CADM2: variants seen among roughly 807,000 people sequenced by gnomAD.
The protein encoded by CADM2 is cell adhesion molecule 2, also known as immunoglobulin superfamily member 4D.
CADM2 carries 12 observed loss-of-function variants against 49.8 expected under a neutral mutation model. The ratio of observed to expected loss-of-function variants is 0.24; its 90% confidence interval spans 0.15 to 0.39. CADM2 has a LOEUF of 0.39. Among genes scored for constraint, CADM2 ranks in the 10% least tolerant of loss-of-function variants. The pLI is 1.00. For missense variants in CADM2, 378 were observed against 492.3 expected (o/e 0.77, Z 2.20); for synonymous variants, 214 against 175.4 (o/e 1.22, Z -1.74).
intron 1 of CADM2, among the ~76,000 whole-genome samples, chr3:85,504,647 C>CT (rs1369310282): frequency 5.3e-5 from 8 of 152,230 alleles, no homozygotes; most frequent in Non-Finnish European, 1.5e-5. Context: ...GCAGGTGGAG[C>CT]TGCCTGCCAG....
chr3:85,994,371 G>A lies in CADM2; in HGVS notation c.970+32724G>A, dbSNP rs183758063. 8.3e-4 allele frequency: 127 copies of A among 152,248 alleles called. 1 individual carries two copies. The highest frequency in any genetic ancestry group is 2.9e-3 in the African/African-American group (121 of 41,542). The allele number at this position is 152,248 out of a possible 1,614,324, so 9.4% of individuals were successfully genotyped here. ...AGGGCCTTGGTCTGGATTAGGCTTTGGTTTAAGAGAATGCTGTGGCAGATT... is the reference window on the plus strand; with the variant it reads ...AGGGCCTTGGTCTGGATTAGGCTTTAGTTTAAGAGAATGCTGTGGCAGATT... On this transcript the variant is annotated intron_variant, in intron 8 of 9. Coordinates refer to ENST00000383699, the MANE Select transcript of CADM2 (RefSeq NM_001167675.2).
intron 8 of CADM2, among the ~76,000 whole-genome samples, chr3:86,064,777 T>C (rs970768674): frequency 6.6e-6 from 1 of 152,232 alleles, no homozygotes; most frequent in Non-Finnish European, 1.5e-5. Context: ...TGGCCATCCT[T>C]TTCTGGGCTG....
chr3:85,728,349 G>C (rs7651725), intron 2 of CADM2, among the ~76,000 whole-genome samples: 108,039 of 152,034 alleles, frequency 0.71, 38,647 homozygotes, highest in African/African-American at 0.77. Flanking sequence ...ATAGCTTTCC[G>C]CATGCTTATA....
intron 1 of CADM2, among the ~76,000 whole-genome samples, chr3:85,429,750 A>G (rs913390851): frequency 6.6e-6 from 1 of 152,182 alleles, no homozygotes; most frequent in Admixed American, 6.6e-5. Context: ...ATAATCTAGG[A>G]CAAATATTAG....
intron 1 of CADM2, among the ~76,000 whole-genome samples, chr3:85,640,006 T>G (rs2107548410): frequency 6.6e-6 from 1 of 152,326 alleles, no homozygotes; most frequent in Admixed American, 6.5e-5. Context: ...ATTTTTTTCC[T>G]TCATCACTTC....
chr3:85,374,441 C>G (rs2033466004), intron 1 of CADM2, among the ~76,000 whole-genome samples: 1 of 152,182 alleles, frequency 6.6e-6, no homozygotes, highest in East Asian at 1.9e-4. Context: ...ATGCTCCAAA[C>G]TTTCCCTTGT....
At chr3:84,970,362 C>T (rs181297390) in intron 1 of CADM2, among the ~76,000 whole-genome samples, 5 of 150,804 alleles carry the variant, frequency 3.3e-5, no homozygotes, top group East Asian at 1.9e-4. Flanking sequence ...ACTGGAAACT[C>T]GAAACCAAGG....
chr3:85,348,566 C>G (rs1418845196), intron 1 of CADM2, among the ~76,000 whole-genome samples: 2 of 152,090 alleles, frequency 1.3e-5, no homozygotes, highest in African/African-American at 2.4e-5. Flanking sequence ...CAGGAAATAT[C>G]TTAGAAAAAC....
At position 86,071,754 on chromosome 3, in the gene CADM2, T is replaced by G. The variant is rs1739884520; in HGVS notation, c.*4971T>G. 2 of 152,010 alleles carry G rather than the reference T, an allele frequency of 1.3e-5. No homozygotes were observed. Among genetic ancestry groups the G allele is most frequent in the South Asian group, 2.1e-4 (1 of 4,830 alleles). 9.4% of individuals were successfully genotyped at this position (152,010 alleles called of 1,614,324 possible). On this transcript the variant is annotated 3_prime_UTR_variant, in exon 10 of 10. Coordinates refer to ENST00000383699, the MANE Select transcript of CADM2 (RefSeq NM_001167675.2). The stretch of plus-strand genomic sequence containing the variant: ...GCATTTGTTTTTCCTTTTCTATCAT[T>G]AGCTTTTCCTAAAGGCAAAATATTA...
intron 1 of CADM2, among the ~76,000 whole-genome samples, chr3:85,434,179 T>C (rs1278068205): frequency 6.6e-6 from 1 of 152,002 alleles, no homozygotes; most frequent in African/African-American, 2.4e-5. Flanking sequence ...AAAAAACTTC[T>C]AGTATTATTC....
At chr3:84,988,711 GTTCCTATTATTCAGCATGT>G (rs1449521843) in intron 1 of CADM2, among the ~76,000 whole-genome samples, 2 of 151,854 alleles carry the variant, frequency 1.3e-5, no homozygotes, top group Admixed American at 1.3e-4. Context: ...TGATCATCTG[GTTCCTATTATTCAGCATGT>G]TAGTATGCTT....
chr3:84,970,791 T>G (rs1290410815), intron 1 of CADM2, among the ~76,000 whole-genome samples: 1 of 152,060 alleles, frequency 6.6e-6, no homozygotes, highest in Non-Finnish European at 1.5e-5. Flanking sequence ...TGTATGATGC[T>G]ACAGTTGCAG....
At chr3:85,939,397 C>G (rs1721559447) in intron 7 of CADM2, among the ~76,000 whole-genome samples, 1 of 151,244 alleles carries the variant, frequency 6.6e-6, no homozygotes, top group African/African-American at 2.4e-5. Flanking sequence ...TTTTGCAACC[C>G]TCTTCTTTCT....
At chr3:85,117,052 C>T (rs541270774) in intron 1 of CADM2, among the ~76,000 whole-genome samples, 22 of 151,928 alleles carry the variant, frequency 1.4e-4, no homozygotes, top group Non-Finnish European at 2.6e-4. Flanking sequence ...GAAACCCCAT[C>T]TCTACTAAAA....
chr3:85,071,023 C>CAAAT (rs1412399846), intron 1 of CADM2, among the ~76,000 whole-genome samples: 342 of 84,278 alleles, frequency 4.1e-3, no homozygotes, highest in Middle Eastern at 0.024. Flanking sequence ...AATAAATAAA[C>CAAAT]AAATAAATAA....
intron 1 of CADM2, among the ~76,000 whole-genome samples, chr3:85,027,401 G>A (rs2034784620): frequency 1.3e-5 from 2 of 151,832 alleles, no homozygotes; most frequent in South Asian, 2.1e-4. Flanking sequence ...GTAAGCCACC[G>A]CGCCCAGCCT....
chr3:85,646,296 A>G (rs1335485377), intron 1 of CADM2, among the ~76,000 whole-genome samples: 1 of 152,000 alleles, frequency 6.6e-6, no homozygotes, highest in Non-Finnish European at 1.5e-5. Flanking sequence ...TCATTCCACA[A>G]TAAATTTTTA....
chr3:85,178,509 G>A (rs1401900244), intron 1 of CADM2, among the ~76,000 whole-genome samples: 1 of 151,812 alleles, frequency 6.6e-6, no homozygotes. Context: ...TGAGAAAGAA[G>A]ATAAATTTAG....
intron 1 of CADM2, among the ~76,000 whole-genome samples, chr3:85,095,918 C>T (rs1182688284): frequency 6.6e-6 from 1 of 151,958 alleles, no homozygotes; most frequent in Non-Finnish European, 1.5e-5. Flanking sequence ...ACTTACTCTG[C>T]TTGTGATATG....
Sources: gnomAD v4.1 joint callset for allele counts (sites outside exome capture counted in the v4.1 genomes callset) on GRCh38, gnomAD v4.1.1 for gene constraint, MANE v1.5 for transcripts, NCBI Gene and HGNC (gene_info 2026-07-23, HGNC 2026-07-21) for gene names.